The following ATXN1 variants were observed in gnomAD, a reference collection of about 807,000 sequenced individuals.
ATXN1 encodes ataxin-1.
Under a neutral mutation model 56.4 loss-of-function variants are expected in ATXN1, and 8 were observed. The observed-to-expected ratio is 0.14, with a 90% CI of 0.08 to 0.26. The LOEUF is 0.26. Among genes scored for constraint, ATXN1 ranks in the 10% least tolerant of loss-of-function variants. The pLI is 1.00. For missense variants in ATXN1, 987 were observed against 1,106.5 expected (o/e 0.89, Z 1.53); for synonymous variants, 514 against 494.6 (o/e 1.04, Z -0.52).
intron 4 of ATXN1, among the ~76,000 whole-genome samples, chr6:16,522,995 T>G (rs890771124): frequency 1.3e-5 from 2 of 152,204 alleles, no homozygotes; most frequent in Non-Finnish European, 2.9e-5. Flanking sequence ...ATTTTTTAGG[T>G]GCCTTTCTTA....
intron 5 of ATXN1, among the ~76,000 whole-genome samples, chr6:16,501,811 G>C (rs936368447): frequency 1.3e-5 from 2 of 152,154 alleles, no homozygotes; most frequent in African/African-American, 4.8e-5. Flanking sequence ...ATAACAGAAT[G>C]ATTTATAATC....
intron 5 of ATXN1, among the ~76,000 whole-genome samples, chr6:16,494,613 T>C (rs1760736224): frequency 6.6e-6 from 1 of 152,202 alleles, no homozygotes; most frequent in African/African-American, 2.4e-5. Context: ...GCAGGTTACA[T>C]CTCCTTATGG....
At chr6:16,689,521 C>CTTTTTTTTTTTTTTTTTTTTTT (rs11374047) in intron 2 of ATXN1, among the ~76,000 whole-genome samples, 121 of 105,216 alleles carry the variant, frequency 1.2e-3, no homozygotes, top group Non-Finnish European at 1.5e-3. Context: ...TTTTTTTTTT[C>CTTTTTTTTTTTTTTTTTTTTTT]TTTTTTTTTT....
chr6:16,649,377 T>C (rs1581329984), intron 3 of ATXN1, among the ~76,000 whole-genome samples: 1 of 152,240 alleles, frequency 6.6e-6, no homozygotes, highest in Non-Finnish European at 1.5e-5. Flanking sequence ...CCAGTCTTTT[T>C]AAATTCCCTT....
At chr6:16,618,193 C>A (rs879013790) in intron 3 of ATXN1, among the ~76,000 whole-genome samples, 1 of 152,098 alleles carries the variant, frequency 6.6e-6, no homozygotes, top group East Asian at 1.9e-4. Context: ...TGTTCTCACT[C>A]ATAAGTGGGA....
chr6:16,398,264 C>G lies in ATXN1; in HGVS notation c.-160-69794G>C, dbSNP rs373363752. On this transcript the variant is annotated intron_variant, in intron 6 of 7. Coordinates refer to ENST00000436367, the MANE Select transcript of ATXN1 (RefSeq NM_001128164.2). ...CACTGCTGCAACGTCTTAGATAAAT[C>G]AAATGCAAACACACTTCCACCTGAA... 1.2e-3 allele frequency among the ~76,000 whole-genome samples: 177 copies of G among 152,268 alleles called. 2 individuals carry two copies. The highest frequency in any genetic ancestry group is 4.2e-3 in the African/African-American group (173 of 41,570).
chr6:16,403,504 A>G (rs1271787767), intron 6 of ATXN1, among the ~76,000 whole-genome samples: 1 of 152,070 alleles, frequency 6.6e-6, no homozygotes. Context: ...ATGCATGCCA[A>G]TACACCTGAC....
chr6:16,706,141 T>C (rs898561060), intron 2 of ATXN1, among the ~76,000 whole-genome samples: 2 of 152,122 alleles, frequency 1.3e-5, no homozygotes, highest in African/African-American at 4.8e-5. Flanking sequence ...CAACTCCTCA[T>C]TCTGAAAAGC....
intron 6 of ATXN1, among the ~76,000 whole-genome samples, chr6:16,475,219 A>G (rs934669710): frequency 6.6e-6 from 1 of 152,210 alleles, no homozygotes; most frequent in African/African-American, 2.4e-5. Context: ...CTTCACTGTC[A>G]TAATTATTCT....
At chr6:16,493,724 T>C (rs1327157526) in intron 5 of ATXN1, among the ~76,000 whole-genome samples, 5 of 152,174 alleles carry the variant, frequency 3.3e-5, no homozygotes, top group Non-Finnish European at 7.4e-5. Context: ...GAAGACGTTA[T>C]ATGTCTTTGA....
intron 5 of ATXN1, among the ~76,000 whole-genome samples, chr6:16,505,586 T>C (rs1414224087): frequency 1.3e-5 from 2 of 152,192 alleles, no homozygotes; most frequent in East Asian, 1.9e-4. Context: ...GGGGCCTTAA[T>C]AGGAACACAA....
Position 16,664,701 on chromosome 6 carries a change from GTGGTCCTCACACTTT to G in ATXN1, c.-614-6815_-614-6801del, listed in dbSNP as rs369131707. Among the ~76,000 whole-genome samples the G allele has an allele frequency of 2.0e-3, 300 of 152,038 alleles. 1 individual carries two copies. The highest frequency in any genetic ancestry group is 7.0e-3 in the African/African-American group (291 of 41,486). On this transcript the variant is annotated intron_variant, in intron 2 of 7. Coordinates refer to ENST00000436367, the MANE Select transcript of ATXN1 (RefSeq NM_001128164.2). ...TGTAGACACTGACCAGACTAGGCCA[GTGGTCCTCACACTTT>G]TGGTCCTCACACTTAAAAGCTCCTT... is the stretch of plus-strand genomic sequence containing the variant.
chr6:16,587,821 C>T (rs909638576), intron 3 of ATXN1, among the ~76,000 whole-genome samples: 4 of 151,598 alleles, frequency 2.6e-5, no homozygotes, highest in African/African-American at 9.7e-5. Flanking sequence ...ATCCCAGTGA[C>T]CCGGGAGGCT....
intron 6 of ATXN1, chr6:16,485,480 C>T (rs1395928004): frequency 6.6e-6 from 1 of 152,154 alleles, no homozygotes; most frequent in Non-Finnish European, 1.5e-5. Context: ...TTGTAACTTG[C>T]ATACCTCAAG....
At chr6:16,662,323 T>C (rs754881212) in intron 2 of ATXN1, among the ~76,000 whole-genome samples, 1 of 125,918 alleles carries the variant, frequency 7.9e-6, no homozygotes, top group Non-Finnish European at 1.6e-5. Flanking sequence ...CATCTGCATC[T>C]TCATCAAACT....
intron 6 of ATXN1, among the ~76,000 whole-genome samples, chr6:16,365,857 T>A: frequency 6.6e-6 from 1 of 152,334 alleles, no homozygotes; most frequent in South Asian, 2.1e-4. Context: ...ATTACCTGTG[T>A]CTACATCTAT....
intron 6 of ATXN1, among the ~76,000 whole-genome samples, chr6:16,408,957 C>G (rs532723686): frequency 1.3e-5 from 2 of 152,276 alleles, no homozygotes; most frequent in East Asian, 1.9e-4. Flanking sequence ...GTTTGGCACA[C>G]AGTAGGTGCT....
intron 4 of ATXN1, among the ~76,000 whole-genome samples, chr6:16,570,836 G>C (rs530861197): frequency 6.6e-6 from 1 of 152,292 alleles, no homozygotes; most frequent in South Asian, 2.1e-4. Context: ...CAAAACCCTA[G>C]CTTTCTACCC....
At chr6:16,660,545 G>A (rs942998746) in intron 2 of ATXN1, among the ~76,000 whole-genome samples, 2 of 152,172 alleles carry the variant, frequency 1.3e-5, no homozygotes, top group African/African-American at 4.8e-5. Context: ...ACTTTTAAAT[G>A]TAAGTCACGG....
Sources: gnomAD v4.1 joint callset for allele counts (sites outside exome capture counted in the v4.1 genomes callset) on GRCh38, gnomAD v4.1.1 for gene constraint, MANE v1.5 for transcripts, NCBI Gene and HGNC (gene_info 2026-07-23, HGNC 2026-07-21) for gene names.